The following PCCB variants were observed in gnomAD, a reference collection of about 807,000 sequenced individuals.
PCCB encodes propionyl-CoA carboxylase beta chain, mitochondrial.
Under a neutral mutation model 60.7 loss-of-function variants are expected in PCCB, and 43 were observed. The ratio of observed to expected loss-of-function variants is 0.71; its 90% CI spans 0.55 to 0.91. The LOEUF (loss-of-function observed/expected upper bound fraction) is 0.91, where lower values mean the gene tolerates loss of function less well. Ranked by LOEUF, PCCB falls within the 40% of genes least tolerant of loss-of-function variation. The pLI, the probability that PCCB is intolerant of heterozygous loss-of-function variation, is 0.00. For synonymous variants in PCCB, 276 were observed against 255.9 expected (o/e 1.08, Z -0.75); for missense variants, 766 against 702.8 (o/e 1.09, Z -1.02).
At chr3:136,273,381 C>G (rs1942248112) in intron 5 of PCCB, among the ~76,000 whole-genome samples, 2 of 152,010 alleles carry the variant, frequency 1.3e-5, no homozygotes, top group Admixed American at 1.3e-4. Flanking sequence ...GAGTTTCTGT[C>G]TCAACAAAAA....
chr3:136,297,198 G>C (rs763841804), intron 7 of PCCB, among the ~76,000 whole-genome samples: 1 of 152,118 alleles, frequency 6.6e-6, no homozygotes, highest in Non-Finnish European at 1.5e-5. Context: ...AAAGGCTCTC[G>C]GTAGGAGAGT....
intron 5 of PCCB, among the ~76,000 whole-genome samples, chr3:136,276,495 C>G (rs141002812): frequency 1.8e-3 from 271 of 152,040 alleles, no homozygotes; most frequent in African/African-American, 6.2e-3. Context: ...ACAGGCATCT[C>G]TTTTCATCTG....
intron 9 of PCCB, among the ~76,000 whole-genome samples, chr3:136,309,262 C>CAAAA (rs1202774808): frequency 2.1e-5 from 1 of 46,988 alleles, no homozygotes; most frequent in Admixed American, 2.3e-4. Context: ...GACTCCATCT[C>CAAAA]AAAAAAAAAA....
intron 5 of PCCB, among the ~76,000 whole-genome samples, chr3:136,273,988 T>C (rs1942276204): frequency 1.3e-5 from 2 of 150,554 alleles, no homozygotes; most frequent in South Asian, 2.1e-4. Context: ...GATATCTCTT[T>C]CCCCCCCTTT....
rs1301903335 is a variant in PCCB at position 136,304,811 on chromosome 3, C to T, written c.966+3700C>T. 1.7e-5 allele frequency among the ~76,000 whole-genome samples: 2 copies of T among 120,276 alleles called. 1 individual carries two copies. Among genetic ancestry groups the T allele is most frequent in the Non-Finnish European group, 3.7e-5 (2 of 54,106 alleles). 78.9% of individuals were successfully genotyped at this position (120,276 alleles called of 152,430 possible). ...GGTTCAAGTGATTCTCCTGCCTCAA[C>T]CTCCTGAATAGCTGTGATTTCAGGC... On this transcript the variant is annotated intron_variant, in intron 9 of 14. Transcript: ENST00000251654.
At chr3:136,260,057 TTTTTG>T (rs10602343) in intron 3 of PCCB, 5,504 of 256,346 alleles carry the variant, frequency 0.021, 260 homozygotes, top group African/African-American at 0.11. Context: ...CGGGCAACTT[TTTTTG>T]TTTTGTTTTG....
intron 1 of PCCB, among the ~76,000 whole-genome samples, chr3:136,253,928 G>A (rs1941595348): frequency 6.6e-6 from 1 of 152,014 alleles, no homozygotes. Context: ...GATTACAGGT[G>A]TGAGCTGCAG....
At chr3:136,317,503 A>G (rs891922907) in intron 10 of PCCB, among the ~76,000 whole-genome samples, 2 of 152,090 alleles carry the variant, frequency 1.3e-5, no homozygotes, top group Non-Finnish European at 2.9e-5. Context: ...CGCTGGGATT[A>G]CAGACATGAG....
rs1325702995 is a variant in PCCB at position 136,283,964 on chromosome 3, T to G, written c.654+17T>G. 6.7e-7 allele frequency: 1 copy of G among 1,488,556 alleles called. No individual in the cohort carries two copies. Among genetic ancestry groups the G allele is most frequent in the Non-Finnish European group, 9.4e-7 (1 of 1,066,288 alleles). 92.2% of individuals were successfully genotyped at this position (1,488,556 alleles called of 1,614,324 possible). A position where few individuals can be genotyped will look rare whatever the true frequency, so the allele number is the denominator to read the frequency against. On this transcript the variant is annotated intron_variant, in intron 6 of 14. Transcript: ENST00000251654. The stretch of plus-strand genomic sequence containing the variant: ...ATGGTAAAGGTAAGAAAGAAGGGCC[T>G]GTTTTTGGTGCCGTTTGAGATTTGT...
intron 7 of PCCB, among the ~76,000 whole-genome samples, chr3:136,296,053 T>C (rs541177609): frequency 1.3e-5 from 2 of 152,344 alleles, no homozygotes; most frequent in East Asian, 1.9e-4. Context: ...TCCGTACATA[T>C]ATTTTTCTCT....
chr3:136,311,358 A>T (rs1047808694), intron 9 of PCCB, among the ~76,000 whole-genome samples: 2 of 152,070 alleles, frequency 1.3e-5, no homozygotes, highest in African/African-American at 4.8e-5. Flanking sequence ...TTTTAGGGCA[A>T]ATTTATTTTT....
At chr3:136,264,006 T>G (rs1233982822) in intron 5 of PCCB, among the ~76,000 whole-genome samples, 6 of 142,450 alleles carry the variant, frequency 4.2e-5, no homozygotes, top group Non-Finnish European at 7.5e-5. Context: ...AGCAAGACTC[T>G]GTCTCAAAAA....
intron 3 of PCCB, among the ~76,000 whole-genome samples, chr3:136,257,237 G>A (rs1003575842): frequency 2.0e-5 from 3 of 152,140 alleles, no homozygotes; most frequent in Non-Finnish European, 4.4e-5. Flanking sequence ...GAAGAGGGAG[G>A]TAGAAGAGGA....
At chr3:136,254,320 G>A (rs1433675722) in intron 1 of PCCB, among the ~76,000 whole-genome samples, 1 of 151,830 alleles carries the variant, frequency 6.6e-6, no homozygotes, top group Non-Finnish European at 1.5e-5. Context: ...CTGGGTTCAA[G>A]CGATTCTCTT....
At chr3:136,292,617 A>T (rs1933746430) in intron 6 of PCCB, among the ~76,000 whole-genome samples, 1 of 152,254 alleles carries the variant, frequency 6.6e-6, no homozygotes, top group Non-Finnish European at 1.5e-5. Context: ...AGAAAAACAA[A>T]TTTGAGAACA....
chr3:136,272,831 C>T (rs985020229), intron 5 of PCCB, among the ~76,000 whole-genome samples: 1 of 151,992 alleles, frequency 6.6e-6, no homozygotes, highest in Admixed American at 6.6e-5. Flanking sequence ...TTTAGTTCTG[C>T]TCTGATCTTT....
chr3:136,299,680 G>A (rs1420083831), intron 8 of PCCB, among the ~76,000 whole-genome samples: 1 of 138,926 alleles, frequency 7.2e-6, no homozygotes, highest in Non-Finnish European at 1.6e-5. Flanking sequence ...GCATGTGTAT[G>A]TATGTATATG....
chr3:136,272,227 A>G (rs757159993), intron 5 of PCCB, among the ~76,000 whole-genome samples: 1 of 151,964 alleles, frequency 6.6e-6, no homozygotes, highest in Non-Finnish European at 1.5e-5. Flanking sequence ...ATCATGTTGT[A>G]TTATCTTTTT....
intron 1 of PCCB, chr3:136,252,256 G>A (rs1348229262): frequency 2.4e-5 from 11 of 455,418 alleles, no homozygotes; most frequent in African/African-American, 1.8e-4. Context: ...GTCAAAGGGT[G>A]TAAGTTTATT....
Sources: gnomAD v4.1 joint callset for allele counts (sites outside exome capture counted in the v4.1 genomes callset) on GRCh38, gnomAD v4.1.1 for gene constraint, MANE v1.5 for transcripts, NCBI Gene and HGNC (gene_info 2026-07-23, HGNC 2026-07-21) for gene names.